TAMM41: variants seen among roughly 807,000 people sequenced by gnomAD.
TAMM41 encodes the protein TAM41 mitochondrial translocator assembly and maintenance homolog.
Under a neutral mutation model 44.1 loss-of-function variants are expected in TAMM41, and 36 were observed. The observed-to-expected ratio is 0.82, with a 90% confidence interval of 0.63 to 1.08. TAMM41 has a LOEUF of 1.08. Among genes scored for constraint, TAMM41 ranks in the 50% least tolerant of loss-of-function variants. The pLI is 0.00. For synonymous variants in TAMM41, 164 were observed against 153.1 expected, an observed-to-expected ratio of 1.07 and a Z score of -0.53; for missense variants, 417 against 404.3, an observed-to-expected ratio of 1.03 and a Z score of -0.27.
chr3:11,784,786 CTTT>C, the TAMM41 span, among the ~76,000 whole-genome samples: 1 of 137,620 alleles, frequency 7.3e-6, no homozygotes, highest in Non-Finnish European at 1.5e-5. Flanking sequence ...GAGAACACTT[CTTT>C]TCTTTTCTTT....
the TAMM41 span, among the ~76,000 whole-genome samples, chr3:11,754,965 G>A: frequency 6.6e-6 from 1 of 152,200 alleles, no homozygotes; most frequent in African/African-American, 2.4e-5. Flanking sequence ...CTCCCAAAGT[G>A]CTGGGATTAC....
chr3:11,786,289 A>T (rs997110480), downstream of TAMM41, among the ~76,000 whole-genome samples: 11 of 85,532 alleles, frequency 1.3e-4, no homozygotes, highest in South Asian at 3.2e-4. Flanking sequence ...ATTTAATTTT[A>T]TTATTATTAT....
At chr3:11,813,991 T>TATAC (rs1553573313) in intron 5 of TAMM41, among the ~76,000 whole-genome samples, 4 of 145,946 alleles carry the variant, frequency 2.7e-5, no homozygotes, top group East Asian at 4.0e-4. Context: ...CACCTGTGTA[T>TATAC]ACACACACAC....
At chr3:11,805,150 T>C (rs111626626) in intron 7 of TAMM41, among the ~76,000 whole-genome samples, 2,931 of 151,762 alleles carry the variant, frequency 0.019, 94 homozygotes, top group African/African-American at 0.066. Context: ...TACAGGCATG[T>C]GCCACCACGC....
the TAMM41 span, among the ~76,000 whole-genome samples, chr3:11,734,917 C>T: frequency 2.1e-4 from 31 of 145,798 alleles, no homozygotes; most frequent in East Asian, 5.0e-3. Context: ...GGTGTGGTGG[C>T]GGGCGCCTGT....
chr3:11,807,575 T>G, intron 7 of TAMM41: 1 of 1,536,152 alleles, frequency 6.5e-7, no homozygotes, highest in Non-Finnish European at 8.7e-7. Context: ...GGAAAAACCC[T>G]GCACACAGGA....
At chr3:11,823,239 T>G (rs575629251) in intron 4 of TAMM41, among the ~76,000 whole-genome samples, 1 of 149,902 alleles carries the variant, frequency 6.7e-6, no homozygotes, top group East Asian at 2.0e-4. Context: ...TTTTCATTGT[T>G]TTGTTGTTGT....
the TAMM41 span, among the ~76,000 whole-genome samples, chr3:11,738,253 G>C: frequency 6.6e-6 from 1 of 152,130 alleles, no homozygotes. Flanking sequence ...ATAAGCCGTG[G>C]AGTTAAAAAA....
the TAMM41 span, among the ~76,000 whole-genome samples, chr3:11,762,123 G>T: frequency 1.3e-5 from 2 of 151,948 alleles, no homozygotes; most frequent in Admixed American, 6.6e-5. Flanking sequence ...AGCCCTGCAG[G>T]CCCATTCGTC....
chr3:11,723,725 A>G, the TAMM41 span, among the ~76,000 whole-genome samples: 1 of 152,240 alleles, frequency 6.6e-6, no homozygotes, highest in Admixed American at 6.5e-5. Flanking sequence ...CCACAAGTTT[A>G]AAAAATGTAT....
the TAMM41 span, among the ~76,000 whole-genome samples, chr3:11,762,139 T>A: frequency 6.6e-6 from 1 of 152,130 alleles, no homozygotes; most frequent in Non-Finnish European, 1.5e-5. Context: ...TCGTCACTCA[T>A]GTATCTTTGT....
Position 11,801,401 on chromosome 3 carries a change from G to A in TAMM41, c.937+6432C>T, listed in dbSNP as rs111628346. On this transcript the variant is annotated intron_variant, in intron 7 of 7. Coordinates refer to ENST00000455809, the MANE Select transcript of TAMM41 (RefSeq NM_001284401.2). ...GGCTGTGGTGTAATCATGGCTCACC[G>A]TAGCCTCAAACTCCTTTGGCTCAAG... Among the ~76,000 whole-genome samples, 953 of 152,078 alleles carry A rather than the reference G, an allele frequency of 6.3e-3. 6 individuals carry two copies. Among genetic ancestry groups the A allele is most frequent in the Middle Eastern group, 0.027 (8 of 292 alleles).
intron 7 of TAMM41, among the ~76,000 whole-genome samples, chr3:11,801,969 C>T (rs2077768309): frequency 6.6e-6 from 1 of 152,078 alleles, no homozygotes; most frequent in Non-Finnish European, 1.5e-5. Flanking sequence ...GCCTGTAATC[C>T]CTGCACTTTG....
At chr3:11,773,796 G>T in the TAMM41 span, among the ~76,000 whole-genome samples, 4 of 152,138 alleles carry the variant, frequency 2.6e-5, no homozygotes, top group African/African-American at 9.6e-5. Context: ...AAATAGAAAA[G>T]TCAGTGTTGG....
intron 3 of TAMM41, among the ~76,000 whole-genome samples, chr3:11,833,539 C>G (rs976363938): frequency 6.6e-6 from 1 of 152,174 alleles, no homozygotes; most frequent in Non-Finnish European, 1.5e-5. Flanking sequence ...GAAGAAGAAA[C>G]GCTGAACATT....
the TAMM41 span, among the ~76,000 whole-genome samples, chr3:11,741,877 A>G: frequency 6.7e-6 from 1 of 149,986 alleles, no homozygotes; most frequent in Non-Finnish European, 1.5e-5. Flanking sequence ...CAATTGGATA[A>G]CCCAGATGGC....
intron 4 of TAMM41, among the ~76,000 whole-genome samples, chr3:11,820,334 T>C (rs1396381326): frequency 6.6e-6 from 1 of 152,188 alleles, no homozygotes; most frequent in African/African-American, 2.4e-5. Context: ...AAACAAAAAG[T>C]TCCTCAATTT....
chr3:11,825,240 A>G (rs2078699043), intron 4 of TAMM41, among the ~76,000 whole-genome samples: 1 of 152,234 alleles, frequency 6.6e-6, no homozygotes, highest in African/African-American at 2.4e-5. Flanking sequence ...GACTGAATGA[A>G]TGTTACAATA....
chr3:11,832,666 C>A (rs1331477907), intron 3 of TAMM41, among the ~76,000 whole-genome samples: 1 of 152,132 alleles, frequency 6.6e-6, no homozygotes, highest in East Asian at 1.9e-4. Flanking sequence ...GCGAACTGGA[C>A]CGGGATCCAG....
Sources: gnomAD v4.1 joint callset for allele counts (sites outside exome capture counted in the v4.1 genomes callset) on GRCh38, gnomAD v4.1.1 for gene constraint, MANE v1.5 for transcripts, NCBI Gene and HGNC (gene_info 2026-07-23, HGNC 2026-07-21) for gene names.